The following ADGRG4 variants were observed in gnomAD, a reference collection of about 807,000 sequenced individuals.
The protein encoded by ADGRG4 is adhesion G protein-coupled receptor G4, also known as G protein-coupled receptor 112.
In ADGRG4, 122 loss-of-function variants were observed where a neutral mutation model predicts 126.2. That is an observed-to-expected ratio of 0.97 (90% confidence interval 0.83 to 1.12). ADGRG4 has a LOEUF of 1.12. Among genes scored for constraint, ADGRG4 ranks in the 50% most tolerant of loss-of-function variants. The pLI is 0.00. For missense variants in ADGRG4, 2,481 were observed against 2,251.8 expected, an observed-to-expected ratio of 1.10 and a Z score of -2.06; for synonymous variants, 943 against 838.7, an observed-to-expected ratio of 1.12 and a Z score of -2.15.
intron 15 of ADGRG4, among the ~76,000 whole-genome samples, chrX:136,379,351 T>C (rs375208741): frequency 3.6e-5 from 4 of 111,073 alleles, no homozygotes; most frequent in African/African-American, 1.3e-4. Context: ...AGATAATAAA[T>C]ATTTTAGGCT....
At chrX:136,396,932 G>A (rs891747324) in intron 19 of ADGRG4, among the ~76,000 whole-genome samples, 5 of 109,708 alleles carry the variant, frequency 4.6e-5, no homozygotes, top group African/African-American at 1.7e-4. Context: ...GGGATTACAG[G>A]TGCCCACCAC....
At chrX:136,386,791 A>T (rs2075294417) in intron 15 of ADGRG4, among the ~76,000 whole-genome samples, 1 of 112,054 alleles carries the variant, frequency 8.9e-6, no homozygotes, top group East Asian at 2.8e-4. Flanking sequence ...AGCCCTTTTG[A>T]CTCTCAAAAA....
intron 5 of ADGRG4, among the ~76,000 whole-genome samples, chrX:136,331,340 C>T (rs1244643999): frequency 8.9e-6 from 1 of 112,228 alleles, no homozygotes; most frequent in Non-Finnish European, 1.9e-5. Flanking sequence ...ATACTTATTC[C>T]CTCTCTTTTG....
In ADGRG4 at chrX:136,347,266, TC is replaced by T; in HGVS notation, c.3563del (p.Pro1188HisfsTer36). 1 of 1,211,490 alleles carries T rather than the reference TC, an allele frequency of 8.3e-7. No individual in the cohort carries two copies. The highest frequency in any genetic ancestry group is 1.1e-6 in the Non-Finnish European group (1 of 895,273). On this transcript the variant is annotated frameshift_variant, in exon 6 of 26. Transcript: ENST00000394143. LOFTEE classifies it high-confidence loss of function. ...GAGACTTCTACCTATGCTCTCAGCT[TC>T]CCATATACTTTCAGTGGTGGTGGAG... ...VEETSTYALS[F>X]PYTFSGGGVV...
At chrX:136,362,215 C>T (rs2075132830) in intron 12 of ADGRG4, among the ~76,000 whole-genome samples, 1 of 111,420 alleles carries the variant, frequency 9.0e-6, no homozygotes, top group Non-Finnish European at 1.9e-5. Context: ...CAGGTTTTGA[C>T]AGAGGCTTAA....
chrX:136,371,305 A>G (rs370040300), intron 13 of ADGRG4, 23 bp from the exon 14 acceptor site: 147 of 1,063,329 alleles, frequency 1.4e-4, no homozygotes, highest in Non-Finnish European at 1.8e-4. Flanking sequence ...TGCAGCTTTT[A>G]TGTCTCAACT....
chrX:136,414,465 T>G, intron 25 of ADGRG4, 138 bp downstream of exon 25: 1 of 507,100 alleles, frequency 2.0e-6, no homozygotes. Flanking sequence ...CGACTCATTC[T>G]TGGCTGAGAA....
chrX:136,324,876 A>G (rs1206317227), intron 5 of ADGRG4, among the ~76,000 whole-genome samples: 1 of 111,839 alleles, frequency 8.9e-6, no homozygotes, highest in Admixed American at 9.5e-5. Flanking sequence ...ATATTTATAA[A>G]CCAATTCATT....
intron 15 of ADGRG4, among the ~76,000 whole-genome samples, chrX:136,382,417 A>G (rs2075268918): frequency 8.9e-6 from 1 of 112,377 alleles, no homozygotes; most frequent in African/African-American, 3.2e-5. Context: ...ATTCATGACA[A>G]TTACAGTCTC....
At chrX:136,383,020 A>G (rs1293672988) in intron 15 of ADGRG4, among the ~76,000 whole-genome samples, 6 of 109,956 alleles carry the variant, frequency 5.5e-5, no homozygotes, top group African/African-American at 2.0e-4. Context: ...GGAACTGTGA[A>G]TCCTGGCTAT....
At position 136,348,597 on chromosome X, in the gene ADGRG4, A is replaced by G. The variant is rs200821500; in HGVS notation, c.4891A>G (p.Thr1631Ala). ...CAAAATGGTTTCCTCTGCTTTCACT[A>G]CAGAAATGATAGAGGCACCTTCCAG... is the stretch of plus-strand genomic sequence containing the variant. The part of the protein sequence containing the change: ...KNKMVSSAFT[T>A]EMIEAPSRIT... Residue 1631 changes from threonine to alanine, a missense_variant, in exon 6 of 26, where the codon ACA becomes GCA. By Grantham distance (58) the Thr-to-Ala change is moderately conservative. Coordinates refer to ENST00000394143, the MANE Select transcript of ADGRG4 (RefSeq NM_153834.4). 2.6e-5 allele frequency: 32 copies of G among 1,208,204 alleles called. No homozygotes were observed. The East Asian group carries it at 8.6e-4, about 32-fold the overall frequency.
chrX:136,358,386 A>T (rs1177146816), intron 10 of ADGRG4, among the ~76,000 whole-genome samples: 1 of 111,971 alleles, frequency 8.9e-6, no homozygotes. Context: ...CTTAGATTAG[A>T]CATGGAGATA....
intron 15 of ADGRG4, among the ~76,000 whole-genome samples, chrX:136,376,478 G>T (rs77611830): frequency 9.0e-6 from 1 of 111,567 alleles, no homozygotes; most frequent in Non-Finnish European, 1.9e-5. Flanking sequence ...ATTGCTTTTG[G>T]CAGTATGGCC....
At chrX:136,410,547 C>A (rs2075440316) in intron 23 of ADGRG4, among the ~76,000 whole-genome samples, 1 of 111,893 alleles carries the variant, frequency 8.9e-6, no homozygotes. Flanking sequence ...ACCTTCAGGA[C>A]AACCAGCCAA....
At chrX:136,408,180 A>G (rs957763236) in intron 23 of ADGRG4, among the ~76,000 whole-genome samples, 5 of 112,144 alleles carry the variant, frequency 4.5e-5, no homozygotes, top group Non-Finnish European at 9.4e-5. Flanking sequence ...AGGAGCCTGC[A>G]TGGATAGAAG....
chrX:136,308,729 A>C (rs2074749491), intron 3 of ADGRG4, 40 bp from the exon 4 acceptor site: 1 of 724,280 alleles, frequency 1.4e-6, no homozygotes, highest in Admixed American at 2.3e-5. Flanking sequence ...GTATTTTCTG[A>C]ATATCTGAGC....
intron 21 of ADGRG4, among the ~76,000 whole-genome samples, chrX:136,402,983 TC>T (rs889371773): frequency 4.4e-5 from 5 of 112,587 alleles, no homozygotes; most frequent in African/African-American, 1.6e-4. Context: ...AAGTTGATTT[TC>T]TGGCACTTGA....
rs1324700606 is a variant in ADGRG4 at position 136,405,892 on chromosome X, C to G, written c.8855C>G (p.Thr2952Ser). The stretch of plus-strand genomic sequence containing the variant: ...AGCCTGACATTCTTACTTGGCCTCA[C>G]CTGGGGGTTTGCATTTTTTGCTTGG... ...TMSLTFLLGL[T>S]WGFAFFAWGP... Residue 2952 changes from threonine (T) to serine (S), a missense_variant, in exon 23 of 26, where the codon ACC (threonine) becomes AGC (serine). Coordinates refer to ENST00000394143, the MANE Select transcript of ADGRG4 (RefSeq NM_153834.4). The G allele has an allele frequency of 7.6e-6, 9 of 1,183,854 alleles. No homozygotes were observed. In the Admixed American group the frequency reaches 1.7e-4, roughly 22 times the overall value.
intron 5 of ADGRG4, among the ~76,000 whole-genome samples, chrX:136,329,074 G>A (rs1052418208): frequency 4.5e-5 from 5 of 110,906 alleles, no homozygotes; most frequent in Non-Finnish European, 9.4e-5. Context: ...TCACCTTAAA[G>A]ATACTCATTT....
Sources: allele counts gnomAD v4.1 joint callset (sites outside exome capture counted in the v4.1 genomes callset), GRCh38; gene constraint gnomAD v4.1.1; transcripts MANE v1.5; gene names NCBI Gene and HGNC (gene_info 2026-07-23, HGNC 2026-07-21).